The following DIRAS2 variants were observed in gnomAD, a reference collection of about 807,000 sequenced individuals.
DIRAS2 encodes DIRAS family GTPase 2.
Under a neutral mutation model 13.9 loss-of-function variants are expected in DIRAS2, and 5 were observed. The ratio of observed to expected loss-of-function variants is 0.36; its 90% CI spans 0.19 to 0.76. DIRAS2 has a LOEUF of 0.76. Ranked by LOEUF, DIRAS2 falls within the 30% of genes least tolerant of loss-of-function variation. DIRAS2 has a pLI of 0.53. For synonymous variants in DIRAS2, 111 were observed against 105.4 expected, an observed-to-expected ratio of 1.05 and a Z score of -0.33; for missense variants, 191 against 263.0, an observed-to-expected ratio of 0.73 and a Z score of 1.89.
chr9:90,622,005 C>T (rs1342128572), intron 1 of DIRAS2, among the ~76,000 whole-genome samples: 1 of 152,166 alleles, frequency 6.6e-6, no homozygotes, highest in Non-Finnish European at 1.5e-5. Context: ...ATAATTCCAG[C>T]ATTTAGGAGG....
chr9:90,628,551 A>G (rs1473320984), intron 1 of DIRAS2, among the ~76,000 whole-genome samples: 6 of 144,636 alleles, frequency 4.1e-5, no homozygotes, highest in Non-Finnish European at 9.1e-5. Flanking sequence ...ACACACACAC[A>G]CGTATTTTTT....
intron 1 of DIRAS2, among the ~76,000 whole-genome samples, chr9:90,633,089 G>A (rs202131373): frequency 7.3e-6 from 1 of 137,272 alleles, no homozygotes; most frequent in Non-Finnish European, 1.6e-5. Context: ...GCCAGGGGAA[G>A]CCATGTGAGG....
intron 1 of DIRAS2, among the ~76,000 whole-genome samples, chr9:90,630,343 C>A (rs1335218371): frequency 6.6e-6 from 1 of 152,158 alleles, no homozygotes; most frequent in Non-Finnish European, 1.5e-5. Context: ...TGCTTAAAAC[C>A]ACTCAAAGGT....
intron 1 of DIRAS2, among the ~76,000 whole-genome samples, chr9:90,630,917 A>T (rs1825319219): frequency 6.6e-6 from 1 of 152,230 alleles, no homozygotes; most frequent in African/African-American, 2.4e-5. Context: ...GATAGCCCAC[A>T]GCAATGTAAA....
At chr9:90,627,761 A>T (rs1325530015) in intron 1 of DIRAS2, among the ~76,000 whole-genome samples, 1 of 152,234 alleles carries the variant, frequency 6.6e-6, no homozygotes, top group East Asian at 1.9e-4. Flanking sequence ...CGAACCATGA[A>T]TTAAAGATAA....
At chr9:90,636,053 T>A (rs898953302) in intron 1 of DIRAS2, among the ~76,000 whole-genome samples, 7 of 135,202 alleles carry the variant, frequency 5.2e-5, no homozygotes, top group South Asian at 2.4e-4. Flanking sequence ...TTTTTTTTTT[T>A]TTGAGACAGA....
intron 1 of DIRAS2, among the ~76,000 whole-genome samples, chr9:90,622,235 G>C (rs1477361426): frequency 3.9e-5 from 6 of 152,120 alleles, no homozygotes; most frequent in African/African-American, 1.4e-4. Context: ...CTGGGCAGCA[G>C]AGCAAGACCC....
rs776697472 is a variant in DIRAS2, at chr9:90,613,190, C to T, written c.*38G>A. The T allele has an allele frequency of 2.5e-6, 4 of 1,581,486 alleles. No homozygotes were observed. In the African/African-American group the frequency reaches 4.0e-5, roughly 16 times the overall value. On this transcript the variant is annotated 3_prime_UTR_variant, in exon 2 of 2. Coordinates refer to ENST00000375765, the MANE Select transcript of DIRAS2 (RefSeq NM_017594.5). This position sits in a 1 kb window ranked among gnomAD's most constrained non-coding sequence, Gnocchi z 5.6. ...GGTGTCATTTTGGGGGAGTGAGGTG[C>T]CGGGGACACACAGCTGCTCCTCCCG...
intron 1 of DIRAS2, among the ~76,000 whole-genome samples, chr9:90,637,199 T>A (rs1018808135): frequency 6.6e-6 from 1 of 152,342 alleles, no homozygotes; most frequent in African/African-American, 2.4e-5. Flanking sequence ...ACATCATACA[T>A]TGAAACATTG....
Position 90,613,514 on chromosome 9 carries a change from C to T in DIRAS2, c.314G>A (p.Cys105Tyr). 2.5e-6 allele frequency: 4 copies of T among 1,614,090 alleles called. No homozygotes were observed. Among genetic ancestry groups the T allele is most frequent in the Non-Finnish European group, 3.4e-6 (4 of 1,180,034 alleles). ...GCTCTCCACGTCCCCTTTGATCTCGCAGATTTGTTCGTAGATGGGCTTGAG... is the reference window on the plus strand; with the variant it reads ...GCTCTCCACGTCCCCTTTGATCTCGTAGATTTGTTCGTAGATGGGCTTGAG... ...EELKPIYEQI[C>Y]EIKGDVESIP... is the part of the protein sequence containing the mutation. The change falls in exon 2 of 2, where the codon TGC becomes TAC. Residue 105 changes from cysteine (C) to tyrosine (Y), a missense_variant. Transcript: ENST00000375765. This position sits in a 1 kb window ranked among gnomAD's most constrained non-coding sequence, Gnocchi z 5.6.
chr9:90,618,153 C>T (rs1389219511), intron 1 of DIRAS2, among the ~76,000 whole-genome samples: 1 of 152,172 alleles, frequency 6.6e-6, no homozygotes, highest in Non-Finnish European at 1.5e-5. Flanking sequence ...CAGACCCATA[C>T]TTCCTGATTT....
chr9:90,624,606 C>T (rs960874012), intron 1 of DIRAS2, among the ~76,000 whole-genome samples: 1 of 152,136 alleles, frequency 6.6e-6, no homozygotes, highest in African/African-American at 2.4e-5. Flanking sequence ...AATAAGCCCA[C>T]AGCTTAAGTA....
In DIRAS2 at chr9:90,641,866, C is replaced by T. The variant is rs76687152; in HGVS notation, c.-37+886G>A. 1.4e-4 allele frequency among the ~76,000 whole-genome samples: 22 copies of T among 152,292 alleles called. No homozygotes were observed. The East Asian group carries it at 1.5e-3, about 11-fold the overall frequency. On this transcript the variant is annotated intron_variant, in intron 1 of 1. Transcript: ENST00000375765. ...CTGAAGGGATCCATTTAAAAGATAA[C>T]GAGGGCAAATATGTAAAATAAATTC...
intron 1 of DIRAS2, among the ~76,000 whole-genome samples, chr9:90,629,840 C>T (rs974493717): frequency 6.6e-6 from 1 of 152,072 alleles, no homozygotes; most frequent in African/African-American, 2.4e-5. Context: ...CTTTTATTCC[C>T]ATTTTTTTTT....
At chr9:90,625,867 G>C (rs910942685) in intron 1 of DIRAS2, 1 of 152,040 alleles carries the variant, frequency 6.6e-6, no homozygotes, top group Non-Finnish European at 1.5e-5. Context: ...GTACAAGAAA[G>C]GGCATTACCA....
At chr9:90,620,255 A>G (rs1825207826) in intron 1 of DIRAS2, among the ~76,000 whole-genome samples, 1 of 152,222 alleles carries the variant, frequency 6.6e-6, no homozygotes, top group Non-Finnish European at 1.5e-5. Context: ...ATAGTCCATT[A>G]TCTACTGAAA....
chr9:90,618,429 C>T (rs1002519998), intron 1 of DIRAS2, among the ~76,000 whole-genome samples: 1 of 152,128 alleles, frequency 6.6e-6, no homozygotes, highest in Non-Finnish European at 1.5e-5. Context: ...AGATCAAATA[C>T]CTAAATATAA....
chr9:90,624,787 C>T (rs1438420453), intron 1 of DIRAS2, among the ~76,000 whole-genome samples: 4 of 152,082 alleles, frequency 2.6e-5, no homozygotes, highest in Non-Finnish European at 4.4e-5. Context: ...TCTCAGCTCC[C>T]TGCAACCTCT....
At position 90,612,939 on chromosome 9, in the gene DIRAS2, A is replaced by G. The variant is rs1825129567; in HGVS notation, c.*289T>C. The G allele has an allele frequency of 4.8e-6, 2 of 420,210 alleles. No homozygotes were observed. The allele number at this position is 420,210 out of a possible 1,614,324, so 26.0% of individuals were successfully genotyped here. A position where few individuals can be genotyped will look rare whatever the true frequency, so the allele number is the denominator to read the frequency against. On this transcript the variant is annotated 3_prime_UTR_variant, in exon 2 of 2. Coordinates refer to ENST00000375765, the MANE Select transcript of DIRAS2 (RefSeq NM_017594.5). Reference sequence around the variant, plus strand: ...TTTGTGGGTACCAGTCCTCCCTCCCACCTTCGGGTGTTCATCGCCACCTTC... The same window carrying G: ...TTTGTGGGTACCAGTCCTCCCTCCCGCCTTCGGGTGTTCATCGCCACCTTC...
Sources: gnomAD v4.1 joint callset for allele counts (sites outside exome capture counted in the v4.1 genomes callset) on GRCh38, gnomAD v4.1.1 for gene constraint, Gnocchi (gnomAD v3.1) non-coding constraint, MANE v1.5 for transcripts, NCBI Gene and HGNC (gene_info 2026-07-23, HGNC 2026-07-21) for gene names.